The following NEDD4L variants were observed in gnomAD, a reference collection of about 807,000 sequenced individuals.
The protein encoded by NEDD4L is NEDD4 like E3 ubiquitin protein ligase, also known as E3 ubiquitin-protein ligase NEDD4-like.
In NEDD4L, 54 loss-of-function variants were observed where a neutral mutation model predicts 148.9. The observed-to-expected ratio is 0.36, with a 90% CI of 0.29 to 0.45. NEDD4L has a LOEUF of 0.45. Ranked by LOEUF, NEDD4L falls within the 20% of genes least tolerant of loss-of-function variation. NEDD4L has a pLI of 1.00. For missense variants in NEDD4L, 856 were observed against 1,233.8 expected (o/e 0.69, Z 4.59); for synonymous variants, 433 against 440.7 (o/e 0.98, Z 0.22).
At chr18:58,361,587 C>T (rs982424124) in intron 19 of NEDD4L, among the ~76,000 whole-genome samples, 5 of 152,232 alleles carry the variant, frequency 3.3e-5, no homozygotes, top group South Asian at 2.1e-4. Context: ...GAATCAGGAC[C>T]GGAGCCCCAG....
intron 1 of NEDD4L, among the ~76,000 whole-genome samples, chr18:58,097,447 A>G (rs1395318839): frequency 6.6e-6 from 1 of 152,210 alleles, no homozygotes; most frequent in South Asian, 2.1e-4. Flanking sequence ...AAAGTGTTCT[A>G]CTTTTAATGA....
intron 5 of NEDD4L, among the ~76,000 whole-genome samples, chr18:58,277,042 T>C (rs1270275838): frequency 4.6e-5 from 7 of 152,178 alleles, no homozygotes; most frequent in Non-Finnish European, 1.0e-4. Context: ...ACGCTTGGCT[T>C]TTCAGTGCCA....
chr18:58,197,745 G>C (rs2040893610), intron 2 of NEDD4L: 1 of 152,242 alleles, frequency 6.6e-6, no homozygotes, highest in South Asian at 2.1e-4. Flanking sequence ...TGCTCTCTTT[G>C]CCTTGGATGG....
At chr18:58,150,596 G>A (rs767163204) in intron 1 of NEDD4L, among the ~76,000 whole-genome samples, 42 of 151,808 alleles carry the variant, frequency 2.8e-4, no homozygotes, top group Admixed American at 5.2e-4. Flanking sequence ...ACAGTTAAAA[G>A]CACTCTGATT....
chr18:58,075,447 A>G (rs1297932724), intron 1 of NEDD4L, among the ~76,000 whole-genome samples: 2 of 152,118 alleles, frequency 1.3e-5, no homozygotes, highest in East Asian at 3.9e-4. Context: ...CACCGCATCC[A>G]GCCTTAGTTT....
At chr18:58,127,010 G>A (rs773659822) in intron 1 of NEDD4L, among the ~76,000 whole-genome samples, 1 of 152,138 alleles carries the variant, frequency 6.6e-6, no homozygotes, top group Non-Finnish European at 1.5e-5. Flanking sequence ...CATTCCTGTC[G>A]GGATAGGTGA....
intron 6 of NEDD4L, among the ~76,000 whole-genome samples, chr18:58,321,783 C>T (rs141504195): frequency 9.1e-4 from 138 of 152,330 alleles, no homozygotes; most frequent in Non-Finnish European, 1.7e-3. Flanking sequence ...GAAATAGTCA[C>T]ACTTATTTAT....
At chr18:58,373,570 G>A (rs1048570190) in intron 24 of NEDD4L, among the ~76,000 whole-genome samples, 4 of 152,178 alleles carry the variant, frequency 2.6e-5, no homozygotes, top group African/African-American at 9.7e-5. Context: ...TTAGAATTTA[G>A]GTACTTGAAA....
intron 23 of NEDD4L, among the ~76,000 whole-genome samples, chr18:58,372,830 C>CAAAAA (rs11318354): frequency 7.5e-6 from 1 of 132,786 alleles, no homozygotes; most frequent in Admixed American, 7.7e-5. Context: ...ATCTCAAAAA[C>CAAAAA]AAAAAAAAAA....
At chr18:58,121,721 T>C (rs2029934886) in intron 1 of NEDD4L, among the ~76,000 whole-genome samples, 1 of 152,268 alleles carries the variant, frequency 6.6e-6, no homozygotes, top group South Asian at 2.1e-4. Context: ...CTATATGTTT[T>C]CTATGTTTAT....
At chr18:58,116,261 TC>T (rs2085831772) in intron 1 of NEDD4L, among the ~76,000 whole-genome samples, 1 of 152,222 alleles carries the variant, frequency 6.6e-6, no homozygotes, top group Non-Finnish European at 1.5e-5. Context: ...AGTCACCAAA[TC>T]AACCACAAAA....
intron 2 of NEDD4L, among the ~76,000 whole-genome samples, chr18:58,195,236 C>T (rs1343010870): frequency 1.3e-5 from 2 of 152,210 alleles, no homozygotes; most frequent in African/African-American, 2.4e-5. Context: ...GGTATACACA[C>T]GTCTCATGGC....
intron 2 of NEDD4L, among the ~76,000 whole-genome samples, chr18:58,168,566 G>A (rs1300579779): frequency 6.6e-6 from 1 of 152,186 alleles, no homozygotes; most frequent in Non-Finnish European, 1.5e-5. Context: ...AGGTTTGGTA[G>A]TGTCCTCTCT....
At chr18:58,384,885 G>T (rs947585421) in intron 25 of NEDD4L, among the ~76,000 whole-genome samples, 1 of 152,208 alleles carries the variant, frequency 6.6e-6, no homozygotes, top group Non-Finnish European at 1.5e-5. Flanking sequence ...TTTGCCTTGC[G>T]ATCAGTTTTG....
chr18:58,208,171 G>C (rs2042161725), intron 2 of NEDD4L, among the ~76,000 whole-genome samples: 1 of 152,182 alleles, frequency 6.6e-6, no homozygotes. Context: ...TTTATTCACT[G>C]GGATTCACTC....
chr18:58,100,869 C>G (rs891306959), intron 1 of NEDD4L, among the ~76,000 whole-genome samples: 1 of 152,142 alleles, frequency 6.6e-6, no homozygotes, highest in Non-Finnish European at 1.5e-5. Context: ...TGCAGTGGTG[C>G]GAATATGGCT....
intron 1 of NEDD4L, chr18:58,091,397 G>T (rs1027832547): frequency 6.6e-6 from 1 of 152,212 alleles, no homozygotes; most frequent in Non-Finnish European, 1.5e-5. Context: ...AACCTTCTTG[G>T]ACTCTCAGTT....
intron 2 of NEDD4L, among the ~76,000 whole-genome samples, chr18:58,190,412 A>G (rs905834955): frequency 6.6e-6 from 1 of 152,364 alleles, no homozygotes; most frequent in Non-Finnish European, 1.5e-5. Context: ...GATGTTACAG[A>G]TAAGTATTTA....
chr18:58,169,571 GA>G (rs1246283145), intron 2 of NEDD4L, among the ~76,000 whole-genome samples: 1 of 151,510 alleles, frequency 6.6e-6, no homozygotes, highest in Non-Finnish European at 1.5e-5. Flanking sequence ...CTAAGTAAAA[GA>G]AAAAAATAAA....
Sources: allele counts gnomAD v4.1 joint callset (sites outside exome capture counted in the v4.1 genomes callset), GRCh38; gene constraint gnomAD v4.1.1; transcripts MANE v1.5; gene names NCBI Gene and HGNC (gene_info 2026-07-23, HGNC 2026-07-21).